Variants in MAPK12 observed in about 807,000 individuals in gnomAD.
The protein encoded by MAPK12 is MAP kinase 12.
MAPK12 carries 49 observed loss-of-function variants against 49.1 expected under a neutral mutation model. The observed-to-expected ratio is 1.00, with a 90% confidence interval of 0.79 to 1.27. The LOEUF (loss-of-function observed/expected upper bound fraction) is 1.27. MAPK12 is among the 50% of genes most tolerant of loss of function. The pLI is 0.00. For missense variants in MAPK12, 554 were observed against 502.4 expected (o/e 1.10, Z -0.98); for synonymous variants, 251 against 209.7 (o/e 1.20, Z -1.70).
In MAPK12 at chr22:50,255,259, G is replaced by A. The variant is rs754315556; in HGVS notation, c.962C>T (p.Pro321Leu). 3.1e-6 allele frequency: 5 copies of A among 1,613,344 alleles called. No homozygotes were observed. Among genetic ancestry groups the A allele is most frequent in the East Asian group, 2.2e-5 (1 of 44,872 alleles). Residue 321 changes from proline to leucine, a missense_variant, in exon 11 of 12, where the codon CCC becomes CTC. Transcript: ENST00000215659. ...GGAGTCATCATACTTCTGGACCTGGGGCTCATCTTCCGTGTCGTGCAGGGA... is the reference window on the plus strand; with the variant it reads ...GGAGTCATCATACTTCTGGACCTGGAGCTCATCTTCCGTGTCGTGCAGGGA... ...FESLHDTEDE[P>L]QVQKYDDSFD... is the part of the protein sequence containing the mutation.
chr22:50,255,201 C>G lies in MAPK12; in HGVS notation c.1020G>C (p.Trp340Cys). The change falls in exon 11 of 12, where the codon TGG becomes TGC. Residue 340 changes from tryptophan to cysteine, a missense_variant. Coordinates refer to ENST00000215659, the MANE Select transcript of MAPK12 (RefSeq NM_002969.6). ...TGCCAGGAGCCCCCCACTCACGCTT[C>G]CATTCATCCAGTGTGCGGTCAACGT... ...FDDVDRTLDE[W>C]KRVTYKEVLS... is the part of the protein sequence containing the mutation. The G allele has an allele frequency of 6.2e-7, 1 of 1,613,808 alleles. No individual in the cohort carries two copies. The highest frequency in any genetic ancestry group is 8.5e-7 in the Non-Finnish European group (1 of 1,179,984).
At position 50,255,100 on chromosome 22, in the gene MAPK12, G is replaced by A. The variant is rs750224710; in HGVS notation, c.1024+97C>T. 4 of 1,487,272 alleles carry A rather than the reference G, an allele frequency of 2.7e-6. No homozygotes were observed. The South Asian group carries it at 3.9e-5, about 15-fold the overall frequency. The allele number at this position is 1,487,272 out of a possible 1,614,324, so 92.1% of individuals were successfully genotyped here. A position where few individuals can be genotyped will look rare whatever the true frequency, so the allele number is the denominator to read the frequency against. ...GCCCCCAACTCACGGGTCCACACAG[G>A]CCCTACCCGGAGCCCCCAACTCACA... On this transcript the variant is annotated intron_variant, in intron 11 of 11. Transcript: ENST00000215659.
rs761141205 is a variant in MAPK12, at chr22:50,261,344, CCCGCCCGCCCCG to C, written c.125+29_125+40del. 10,386 of 1,154,252 alleles carry C rather than the reference CCCGCCCGCCCCG, an allele frequency of 9.0e-3. 84 individuals are homozygous for C. The highest frequency in any genetic ancestry group is 0.011 in the Non-Finnish European group (9,854 of 936,848). 71.5% of individuals were successfully genotyped at this position (1,154,252 alleles called of 1,614,324 possible). ...GGAAGGCCGGGCACCCCGCGCAGGC[CCCGCCCGCCCCG>C]CCGGCCGCCCCGCCCGGCCCGCGCT... On this transcript the variant is annotated intron_variant, in intron 1 of 11. Transcript: ENST00000215659.
chr22:50,258,695 C>T (rs1159904591), intron 2 of MAPK12, among the ~76,000 whole-genome samples: 2 of 152,268 alleles, frequency 1.3e-5, no homozygotes, highest in African/African-American at 2.4e-5. Context: ...GAGGCCAGGC[C>T]TCTGCTGGTG....
intron 2 of MAPK12, 109 bp downstream of exon 2, chr22:50,261,058 G>T: frequency 7.8e-7 from 1 of 1,289,382 alleles, no homozygotes; most frequent in Middle Eastern, 2.9e-4. Flanking sequence ...ACCCCCGCCC[G>T]GCCCCACAGC....
At position 50,258,220 on chromosome 22, in the gene MAPK12, G is replaced by A. The variant is rs370347263; in HGVS notation, c.314+23C>T. ...CTGCCCAACACCCCTCGTGCCCAGC[G>A]GCCAGCCCAGGTCGGCACTCACAAG... is the stretch of plus-strand genomic sequence containing the variant. On this transcript the variant is annotated intron_variant, in intron 3 of 11. Transcript: ENST00000215659. 8.5e-4 allele frequency: 1,376 copies of A among 1,612,412 alleles called. 20 individuals are homozygous for A. In the South Asian group the frequency reaches 0.014, roughly 16 times the overall value.
chr22:50,256,013 G>A (rs1267440096), intron 7 of MAPK12, 72 bp downstream of exon 7: 4 of 1,527,422 alleles, frequency 2.6e-6, no homozygotes, highest in African/African-American at 1.4e-5. Context: ...AGCCACCACA[G>A]GGCTGTCCGT....
intron 3 of MAPK12, chr22:50,257,553 C>G: frequency 1.9e-6 from 1 of 529,374 alleles, no homozygotes. Flanking sequence ...TCTTCACAGG[C>G]AGGGGAGGGA....
In MAPK12 at chr22:50,255,492, T is replaced by G; in HGVS notation, c.811A>C (p.Lys271Gln). ...YMKGLPELEK[K>Q]DFASILTNAS... Reference sequence around the variant, plus strand: ...TTGGTCAGGATAGAGGCAAAATCCTTCTTCTCCAATTCGGGGAGGCCCTTC... The same window carrying G: ...TTGGTCAGGATAGAGGCAAAATCCTGCTTCTCCAATTCGGGGAGGCCCTTC... Residue 271 changes from lysine (K) to glutamine (Q), a missense_variant, in exon 10 of 12, where the codon AAG (lysine) becomes CAG (glutamine). Physicochemically the swap from Lys to Gln is moderately conservative, Grantham distance 53. Transcript: ENST00000215659. The G allele has an allele frequency of 6.2e-7, 1 of 1,613,012 alleles. No individual in the cohort carries two copies. Among genetic ancestry groups the G allele is most frequent in the Non-Finnish European group, 8.5e-7 (1 of 1,180,002 alleles).
At chr22:50,260,936 G>A (rs1049279210) in intron 2 of MAPK12, 3 of 423,290 alleles carry the variant, frequency 7.1e-6, no homozygotes, top group South Asian at 6.9e-5. Context: ...GCCGAGTCAA[G>A]GGGCTGAGTC....
intron 2 of MAPK12, 28 bp downstream of exon 2, chr22:50,261,139 C>A: frequency 6.4e-7 from 1 of 1,555,026 alleles, no homozygotes; most frequent in East Asian, 2.5e-5. Flanking sequence ...GCCGCGGCGC[C>A]TTCCCGGAGC....
Position 50,253,497 on chromosome 22 carries a change from G to GGA in MAPK12, c.1025-18_1025-17insTC. 1 of 476,080 alleles carries GGA rather than the reference G, an allele frequency of 2.1e-6. No individual in the cohort carries two copies. Among genetic ancestry groups the GGA allele is most frequent in the Non-Finnish European group, 4.2e-6 (1 of 235,534 alleles). 29.5% of individuals were successfully genotyped at this position (476,080 alleles called of 1,614,324 possible). ...AAGTAACACCTGGCGGGGGTGGGGG[G>GGA]GCGGGCACAACAGAGAGGGGGGTCA... On this transcript the variant is annotated splice_polypyrimidine_tract_variant and intron_variant, in intron 11 of 11. Transcript: ENST00000215659.
chr22:50,259,708 C>A lies in MAPK12; in HGVS notation c.256-1407G>T, dbSNP rs542763816. On this transcript the variant is annotated intron_variant, in intron 2 of 11. Coordinates refer to ENST00000215659, the MANE Select transcript of MAPK12 (RefSeq NM_002969.6). Reference sequence around the variant, plus strand: ...GACCAGTCTGCCCAACATAGTGAAACCTCATCTCAACTAAAAATACAAAAA... The same window carrying A: ...GACCAGTCTGCCCAACATAGTGAAAACTCATCTCAACTAAAAATACAAAAA... Among the ~76,000 whole-genome samples the A allele has an allele frequency of 2.4e-3, 357 of 151,814 alleles. 1 individual carries two copies. Among genetic ancestry groups the A allele is most frequent in the African/African-American group, 8.2e-3 (339 of 41,408 alleles).
chr22:50,255,594 A>ACCCCCC, intron 9 of MAPK12, 21 bp downstream of exon 9: 1 of 615,778 alleles, frequency 1.6e-6, no homozygotes, highest in Non-Finnish European at 2.3e-6. Context: ...ACCCCCACCC[A>ACCCCCC]GCTCCCCACT....
intron 3 of MAPK12, chr22:50,257,959 G>C (rs778391680): frequency 1.3e-6 from 1 of 769,174 alleles, no homozygotes. Flanking sequence ...TTAACAAATG[G>C]TCAGGTCCAA....
At chr22:50,258,102 G>A in intron 3 of MAPK12, 141 bp downstream of exon 3, 1 of 730,962 alleles carries the variant, frequency 1.4e-6, no homozygotes, top group Non-Finnish European at 2.4e-6. Context: ...GTGGACAGTG[G>A]TATGGGGAGG....
chr22:50,261,658 C>G lies in MAPK12; in HGVS notation c.-149G>C. The G allele has an allele frequency of 5.8e-6, 5 of 859,864 alleles. No homozygotes were observed. The highest frequency in any genetic ancestry group is 7.0e-6 in the Non-Finnish European group (5 of 713,988). 53.3% of individuals were successfully genotyped at this position (859,864 alleles called of 1,614,324 possible). A position where few individuals can be genotyped will look rare whatever the true frequency, so the allele number is the denominator to read the frequency against. ...CGCCGGCCGCTGGGGCGCTCCCGCTCCCGGCCCTTCCCTCAGGGATGTCCC... is the reference window on the plus strand; with the variant it reads ...CGCCGGCCGCTGGGGCGCTCCCGCTGCCGGCCCTTCCCTCAGGGATGTCCC... On this transcript the variant is annotated 5_prime_UTR_variant, in exon 1 of 12. Transcript: ENST00000215659.
chr22:50,261,126 G>A (rs1235683508), intron 2 of MAPK12, 41 bp downstream of exon 2: 1 of 1,536,152 alleles, frequency 6.5e-7, no homozygotes, highest in Non-Finnish European at 8.8e-7. Context: ...GAACCAAGCC[G>A]AGGCCGCGGC....
chr22:50,257,055 C>T, intron 4 of MAPK12, 27 bp downstream of exon 4: 2 of 1,608,314 alleles, frequency 1.2e-6, no homozygotes, highest in Non-Finnish European at 1.7e-6. Context: ...CTGCCTGCCT[C>T]CCTGCAGCCT....
Sources: allele counts gnomAD v4.1 joint callset (sites outside exome capture counted in the v4.1 genomes callset), GRCh38; gene constraint gnomAD v4.1.1; transcripts MANE v1.5; gene names NCBI Gene and HGNC (gene_info 2026-07-23, HGNC 2026-07-21).